KAT6B: variants seen among roughly 807,000 people sequenced by gnomAD.
KAT6B encodes lysine acetyltransferase 6B, also known as histone acetyltransferase KAT6B.
In KAT6B, 10 loss-of-function variants were observed where a neutral mutation model predicts 187.5. The ratio of observed to expected loss-of-function variants is 0.05; its 90% CI spans 0.03 to 0.09. The LOEUF (loss-of-function observed/expected upper bound fraction) is 0.09, where lower values mean the gene tolerates loss of function less well. KAT6B is among the 10% of genes least tolerant of loss of function. The pLI is 1.00. For missense variants in KAT6B, 1,952 were observed against 2,558.9 expected (o/e 0.76, Z 5.12); for synonymous variants, 861 against 926.8 (o/e 0.93, Z 1.29).
At chr10:74,904,522 C>T (rs1846617847) in intron 3 of KAT6B, among the ~76,000 whole-genome samples, 1 of 152,206 alleles carries the variant, frequency 6.6e-6, no homozygotes, top group Non-Finnish European at 1.5e-5. Context: ...AAAGCCTAGC[C>T]CTGTGTATGC....
intron 11 of KAT6B, chr10:74,984,821 T>C (rs918473442): frequency 2.1e-6 from 1 of 473,186 alleles, no homozygotes; most frequent in Non-Finnish European, 3.8e-6. Flanking sequence ...TACTAGTGGT[T>C]TGGCCCTTCT....
At chr10:75,020,529 T>G (rs1845321000) in intron 13 of KAT6B, 53 bp from the exon 14 acceptor site, 4 of 1,275,502 alleles carry the variant, frequency 3.1e-6, no homozygotes, top group Non-Finnish European at 4.6e-6. Context: ...GCTCCTGTTC[T>G]AAGCTCTGGG....
chr10:74,966,462 GT>G (rs1449548028), intron 4 of KAT6B, among the ~76,000 whole-genome samples: 2 of 152,162 alleles, frequency 1.3e-5, no homozygotes, highest in South Asian at 4.1e-4. Context: ...CAGAGCCTGT[GT>G]TTTTTCTTCC....
In KAT6B at chr10:74,838,760, C is replaced by A. The variant is rs756700984; in HGVS notation, c.-259+8C>A. On this transcript the variant is annotated splice_region_variant and intron_variant, in intron 2 of 17. Coordinates refer to ENST00000287239, the MANE Select transcript of KAT6B (RefSeq NM_012330.4). ...TTTGAAGTTCCAATTCTGGTACTTT[C>A]CCTTATTTTATTACATTTTTAAGGT... is the stretch of plus-strand genomic sequence containing the variant. 3 of 152,116 alleles carry A rather than the reference C, an allele frequency of 2.0e-5. No individual in the cohort carries two copies. Among genetic ancestry groups the A allele is most frequent in the Non-Finnish European group, 2.9e-5 (2 of 68,018 alleles). The allele number at this position is 152,116 out of a possible 1,614,324, so 9.4% of individuals were successfully genotyped here.
chr10:74,864,734 G>A (rs1261023041), intron 3 of KAT6B, among the ~76,000 whole-genome samples: 1 of 152,130 alleles, frequency 6.6e-6, no homozygotes, highest in African/African-American at 2.4e-5. Context: ...TTGAATTGAG[G>A]TTAGTTGACT....
chr10:74,976,242 A>G lies in KAT6B; in HGVS notation c.1905A>G (p.Leu635=). ...AAAAGCACAGGATGCTAGGCAGATT[A>G]AAATATAAAGTGACCCCTCAGATGG... is the stretch of plus-strand genomic sequence containing the variant. ...FLKKHRMLGR[L]KYKVTPQMGT... is the part of the protein sequence containing the mutation. Residue 635 remains leucine, a synonymous_variant, in exon 8 of 18, where the codon TTA becomes TTG. Transcript: ENST00000287239. 6.2e-7 allele frequency: 1 copy of G among 1,614,162 alleles called. No individual in the cohort carries two copies.
chr10:74,960,935 G>C (rs1447739753), intron 4 of KAT6B, among the ~76,000 whole-genome samples: 1 of 152,082 alleles, frequency 6.6e-6, no homozygotes, highest in African/African-American at 2.4e-5. Flanking sequence ...TTGATGGTTG[G>C]GTAGAAGAAA....
intron 8 of KAT6B, chr10:74,977,106 C>T (rs779752561): frequency 1.4e-4 from 63 of 465,008 alleles, no homozygotes; most frequent in Non-Finnish European, 2.1e-4. Flanking sequence ...AAAAAGATGA[C>T]AGTGATAAAT....
At chr10:74,841,714 C>G (rs940462623) in intron 2 of KAT6B, among the ~76,000 whole-genome samples, 1 of 152,156 alleles carries the variant, frequency 6.6e-6, no homozygotes, top group East Asian at 1.9e-4. Context: ...TGAGCACACT[C>G]TGTACAGTTT....
intron 13 of KAT6B, among the ~76,000 whole-genome samples, chr10:75,000,129 C>T (rs976206948): frequency 6.6e-6 from 1 of 151,514 alleles, no homozygotes; most frequent in Admixed American, 6.6e-5. Flanking sequence ...CTGAGATCAC[C>T]CCACTGCACT....
At chr10:74,964,457 C>G (rs1412287068) in intron 4 of KAT6B, among the ~76,000 whole-genome samples, 1 of 152,110 alleles carries the variant, frequency 6.6e-6, no homozygotes, top group Non-Finnish European at 1.5e-5. Flanking sequence ...TTTTTCTCTA[C>G]CACTTCTTTC....
chr10:74,938,861 T>A (rs561362196), intron 3 of KAT6B, among the ~76,000 whole-genome samples: 30 of 152,094 alleles, frequency 2.0e-4, no homozygotes, highest in African/African-American at 7.0e-4. Context: ...CTCAGCCTCC[T>A]GAGTAGCTGA....
chr10:74,977,460 T>C (rs1314684161), intron 9 of KAT6B, 23 bp downstream of exon 9: 4 of 1,612,952 alleles, frequency 2.5e-6, no homozygotes, highest in Non-Finnish European at 3.4e-6. Context: ...TCCCACATTG[T>C]AGTAGCAAGT....
intron 3 of KAT6B, among the ~76,000 whole-genome samples, chr10:74,957,996 A>T (rs1840808626): frequency 6.6e-6 from 1 of 152,248 alleles, no homozygotes; most frequent in South Asian, 2.1e-4. Context: ...ATACATTTGC[A>T]TAGCTACCTC....
intron 3 of KAT6B, among the ~76,000 whole-genome samples, chr10:74,887,018 A>G (rs1845329568): frequency 6.6e-6 from 1 of 152,298 alleles, no homozygotes; most frequent in South Asian, 2.1e-4. Flanking sequence ...CTGATCTCAT[A>G]GTGCAGGTGT....
At chr10:75,027,035 A>G (rs545092059) in intron 17 of KAT6B, among the ~76,000 whole-genome samples, 351 of 152,270 alleles carry the variant, frequency 2.3e-3, no homozygotes, top group Middle Eastern at 6.8e-3. Flanking sequence ...GCTACTTGGG[A>G]GGCTGAGGCA....
chr10:74,908,559 AAAAAAAAAG>A (rs1314993296), intron 3 of KAT6B, among the ~76,000 whole-genome samples: 1 of 151,924 alleles, frequency 6.6e-6, no homozygotes, highest in Non-Finnish European at 1.5e-5. Flanking sequence ...CAAAAAAAAA[AAAAAAAAAG>A]AAAGAGAAAT....
intron 1 of KAT6B, among the ~76,000 whole-genome samples, chr10:74,833,737 T>C (rs12385773): frequency 0.023 from 3,535 of 152,278 alleles, 140 homozygotes; most frequent in African/African-American, 0.08. Context: ...ATTAATATAA[T>C]ATGTATTAGT....
chr10:74,831,891 G>A (rs1468681944), intron 1 of KAT6B, among the ~76,000 whole-genome samples: 2 of 152,182 alleles, frequency 1.3e-5, no homozygotes, highest in Non-Finnish European at 2.9e-5. Flanking sequence ...TAGCAGAATG[G>A]GGACTGGATC....
Sources: allele counts gnomAD v4.1 joint callset (sites outside exome capture counted in the v4.1 genomes callset), GRCh38; gene constraint gnomAD v4.1.1; transcripts MANE v1.5; gene names NCBI Gene and HGNC (gene_info 2026-07-23, HGNC 2026-07-21).